CRAMP1: variants seen among roughly 807,000 people sequenced by gnomAD.
The protein encoded by CRAMP1 is cramped chromatin regulator 1.
Under a neutral mutation model 115.4 loss-of-function variants are expected in CRAMP1, and 50 were observed. The ratio of observed to expected loss-of-function variants is 0.43; its 90% CI spans 0.35 to 0.55. The LOEUF (loss-of-function observed/expected upper bound fraction) is 0.55, where lower values mean the gene tolerates loss of function less well. Ranked by LOEUF, CRAMP1 falls within the 20% of genes least tolerant of loss-of-function variation. CRAMP1 has a pLI of 0.01. For missense variants in CRAMP1, 1,679 were observed against 1,721.7 expected (o/e 0.98, Z 0.44); for synonymous variants, 866 against 745.4 (o/e 1.16, Z -2.64).
chr16:1,650,494 C>T (rs1349532430), intron 6 of CRAMP1, among the ~76,000 whole-genome samples: 40 of 152,212 alleles, frequency 2.6e-4, no homozygotes, highest in Admixed American at 2.6e-3. Flanking sequence ...TCAAACAATA[C>T]ACAGATAAAA....
Position 1,668,004 on chromosome 16 carries a change from C to A in CRAMP1, c.3145C>A (p.Leu1049Ile), listed in dbSNP as rs371340604. 34 of 1,613,580 alleles carry A rather than the reference C, an allele frequency of 2.1e-5. No homozygotes were observed. The highest frequency in any genetic ancestry group is 2.8e-5 in the Non-Finnish European group (33 of 1,179,788). ...CTTATCTGAGCTGCCCAAGGCCCCTCTCCAGAATGGCCTCTCCATACCGCT... is the reference window on the plus strand; with the variant it reads ...CTTATCTGAGCTGCCCAAGGCCCCTATCCAGAATGGCCTCTCCATACCGCT... ...LSLSELPKAP[L>I]QNGLSIPLSS... The change falls in exon 18 of 21, where the codon CTC becomes ATC. Residue 1049 changes from leucine to isoleucine, a missense_variant. Transcript: ENST00000397412.
Position 1,674,099 on chromosome 16 carries a change from A to C in CRAMP1, c.*54A>C. On this transcript the variant is annotated 3_prime_UTR_variant, in exon 21 of 21. Coordinates refer to ENST00000397412, the MANE Select transcript of CRAMP1 (RefSeq NM_020825.4). ...TCTTCGAGCTAGAGAAAAATAGATAAGCCCAGCAGCCCCAGAAGATGGTCT... is the reference window on the plus strand; with the variant it reads ...TCTTCGAGCTAGAGAAAAATAGATACGCCCAGCAGCCCCAGAAGATGGTCT... The C allele has an allele frequency of 6.5e-7, 1 of 1,540,292 alleles. No homozygotes were observed. The highest frequency in any genetic ancestry group is 8.8e-7 in the Non-Finnish European group (1 of 1,133,532).
Position 1,652,933 on chromosome 16 carries a change from T to C in CRAMP1, c.914-100T>C. 3.5e-6 allele frequency: 5 copies of C among 1,433,796 alleles called. No homozygotes were observed. In the South Asian group the frequency reaches 6.5e-5, roughly 19 times the overall value. 88.8% of individuals were successfully genotyped at this position (1,433,796 alleles called of 1,614,324 possible). On this transcript the variant is annotated intron_variant, in intron 7 of 20. Transcript: ENST00000397412. ...CTCCTTGCCTCTGTTTGCAAGGCCA[T>C]CTGCTCACAGCTGATTTCACTGGTT...
In CRAMP1 at chr16:1,656,838, T is replaced by C. The variant is rs1345130398; in HGVS notation, c.2081T>C (p.Met694Thr). Residue 694 changes from methionine (M) to threonine (T), a missense_variant, in exon 10 of 21, where the codon ATG (methionine) becomes ACG (threonine). By Grantham distance (81) the Met-to-Thr change is moderately conservative. Transcript: ENST00000397412. The surrounding 1 kb of genome is among the most constrained non-coding windows in gnomAD (Gnocchi z 5.6). ...ESLTLAEVYL[M>T]MGKPSKLQLE... The stretch of plus-strand genomic sequence containing the variant: ...CTCACGCTGGCCGAAGTCTACCTCA[T>C]GATGGGCAAGCCCAGCAAGCTGCAG... 1 of 1,550,848 alleles carries C rather than the reference T, an allele frequency of 6.4e-7. No individual in the cohort carries two copies. The highest frequency in any genetic ancestry group is 8.7e-7 in the Non-Finnish European group (1 of 1,147,118).
chr16:1,636,485 G>T (rs2036589523), intron 4 of CRAMP1, among the ~76,000 whole-genome samples: 1 of 152,160 alleles, frequency 6.6e-6, no homozygotes, highest in Non-Finnish European at 1.5e-5. Flanking sequence ...CCGTGTCCGA[G>T]ACCCATGGTC....
intron 6 of CRAMP1, chr16:1,645,340 C>A: frequency 3.9e-6 from 1 of 253,818 alleles, no homozygotes; most frequent in Non-Finnish European, 8.4e-6. Context: ...GCGCCCACCA[C>A]CACGCCCGGC....
intron 5 of CRAMP1, among the ~76,000 whole-genome samples, chr16:1,640,618 G>T (rs186695961): frequency 8.5e-5 from 13 of 152,314 alleles, no homozygotes; most frequent in African/African-American, 3.1e-4. Flanking sequence ...CAGGTCACAG[G>T]AAATGGGGCG....
chr16:1,622,400 C>A (rs1257163119), intron 2 of CRAMP1, among the ~76,000 whole-genome samples: 1 of 152,162 alleles, frequency 6.6e-6, no homozygotes, highest in East Asian at 1.9e-4. Flanking sequence ...ATAATCCCAG[C>A]TACTCGAGAG....
chr16:1,667,869 G>A (rs1199519813), intron 17 of CRAMP1, 93 bp from the exon 18 acceptor site: 2 of 762,674 alleles, frequency 2.6e-6, no homozygotes, highest in African/African-American at 3.5e-5. Flanking sequence ...CTATTGATTT[G>A]CCTGCAAGCT....
intron 3 of CRAMP1, among the ~76,000 whole-genome samples, chr16:1,628,635 C>T (rs556952457): frequency 9.2e-5 from 14 of 152,288 alleles, no homozygotes; most frequent in Admixed American, 7.2e-4. Context: ...GCTGACTGGC[C>T]GGTGGCAGGT....
intron 20 of CRAMP1, among the ~76,000 whole-genome samples, chr16:1,673,602 T>A (rs2036941149): frequency 6.6e-6 from 1 of 152,164 alleles, no homozygotes; most frequent in Admixed American, 6.5e-5. Context: ...TTGGGTGTCT[T>A]CCCCCATAGG....
At position 1,675,695 on chromosome 16, in the gene CRAMP1, TC is replaced by T. The variant is rs1281965711; in HGVS notation, c.*1652del. On this transcript the variant is annotated 3_prime_UTR_variant, in exon 21 of 21. Transcript: ENST00000397412. ...GAGGACGTGGAGAGGACAGTGAACTTCCAGGCAAGAGCTTCCTTCTTTTGTC... is the reference window on the plus strand; with the variant it reads ...GAGGACGTGGAGAGGACAGTGAACTTCAGGCAAGAGCTTCCTTCTTTTGTC... 1 of 152,238 alleles carries T rather than the reference TC, an allele frequency of 6.6e-6. No individual in the cohort carries two copies. Among genetic ancestry groups the T allele is most frequent in the Admixed American group, 6.5e-5 (1 of 15,276 alleles). 9.4% of individuals were successfully genotyped at this position (152,238 alleles called of 1,614,324 possible). A position where few individuals can be genotyped will look rare whatever the true frequency, so the allele number is the denominator to read the frequency against.
intron 3 of CRAMP1, among the ~76,000 whole-genome samples, chr16:1,628,754 C>T (rs528253366): frequency 3.6e-4 from 55 of 152,326 alleles, no homozygotes; most frequent in African/African-American, 1.3e-3. Context: ...CTTTTTGATG[C>T]CTCCCTGGGA....
At chr16:1,628,402 C>T (rs113126675) in intron 3 of CRAMP1, among the ~76,000 whole-genome samples, 61 of 152,248 alleles carry the variant, frequency 4.0e-4, no homozygotes, top group African/African-American at 1.4e-3. Flanking sequence ...CACAGGTGCC[C>T]GCCACCACAC....
chr16:1,621,446 A>G (rs549646731), intron 2 of CRAMP1, among the ~76,000 whole-genome samples: 44 of 152,300 alleles, frequency 2.9e-4, no homozygotes, highest in African/African-American at 1.1e-3. Context: ...GGCTTGGGAA[A>G]CAGGCGGTGC....
At chr16:1,618,987 CTGT>C (rs1477889345) in intron 2 of CRAMP1, among the ~76,000 whole-genome samples, 2 of 152,186 alleles carry the variant, frequency 1.3e-5, no homozygotes, top group African/African-American at 2.4e-5. Flanking sequence ...TCTGTGGTGT[CTGT>C]TGTTGTGAAG....
In CRAMP1 at chr16:1,653,111, A is replaced by G; in HGVS notation, c.992A>G (p.His331Arg). 1 of 1,611,988 alleles carries G rather than the reference A, an allele frequency of 6.2e-7. No homozygotes were observed. The change falls in exon 8 of 21, where the codon CAC becomes CGC. Residue 331 changes from histidine to arginine, a missense_variant. This residue lies in a region of CRAMP1 where 191 missense variants were observed against 236.2 expected (regional missense o/e 0.81). Coordinates refer to ENST00000397412, the MANE Select transcript of CRAMP1 (RefSeq NM_020825.4). ...ATAGAGCTACAGCCGCGGAACAACC[A>G]CGCCTGGGCCCGTGTGCAGAGCCTT... ...VPIELQPRNN[H>R]AWARVQSLAQ...
At chr16:1,649,318 G>A (rs1328727295) in intron 6 of CRAMP1, among the ~76,000 whole-genome samples, 1 of 152,150 alleles carries the variant, frequency 6.6e-6, no homozygotes, top group Non-Finnish European at 1.5e-5. Flanking sequence ...GTGAGTGGAT[G>A]GATGGATGGA....
chr16:1,639,092 C>G (rs563231531), intron 5 of CRAMP1, among the ~76,000 whole-genome samples: 11 of 152,216 alleles, frequency 7.2e-5, no homozygotes, highest in African/African-American at 1.9e-4. Flanking sequence ...ACAGCTCTCC[C>G]AGCTCTCATC....
Sources: gnomAD v4.1 joint callset for allele counts (sites outside exome capture counted in the v4.1 genomes callset) on GRCh38, gnomAD v4.1.1 for gene constraint, gnomAD v4.1.1 regional missense constraint, Gnocchi (gnomAD v3.1) non-coding constraint, MANE v1.5 for transcripts, NCBI Gene and HGNC (gene_info 2026-07-23, HGNC 2026-07-21) for gene names.